The following DLG2 variants were observed in gnomAD, a reference collection of about 807,000 sequenced individuals.
DLG2 encodes the protein disks large homolog 2.
DLG2 carries 45 observed loss-of-function variants against 132.5 expected under a neutral mutation model. That is an observed-to-expected ratio of 0.34 (90% confidence interval 0.27 to 0.44). DLG2 has a LOEUF of 0.44. DLG2 is among the 20% of genes least tolerant of loss of function. The probability of loss-of-function intolerance (pLI) is 1.00; values close to 1 mark genes in which losing one functional copy is unlikely to be tolerated. For synonymous variants in DLG2, 424 were observed against 419.6 expected, an observed-to-expected ratio of 1.01 and a Z score of -0.13; for missense variants, 1,045 against 1,196.9, an observed-to-expected ratio of 0.87 and a Z score of 1.87.
chr11:85,158,396 A>C (rs2077753505), intron 4 of DLG2, among the ~76,000 whole-genome samples: 1 of 152,076 alleles, frequency 6.6e-6, no homozygotes, highest in Non-Finnish European at 1.5e-5. Context: ...GAAATGCCTG[A>C]TCTCCTTTGG....
intron 18 of DLG2, among the ~76,000 whole-genome samples, chr11:83,638,415 A>C (rs561134480): frequency 6.6e-6 from 1 of 152,324 alleles, no homozygotes; most frequent in East Asian, 1.9e-4. Context: ...AATAGGAATA[A>C]GAATTGGACC....
chr11:84,095,858 G>C (rs1307557175), intron 10 of DLG2, among the ~76,000 whole-genome samples: 1 of 152,140 alleles, frequency 6.6e-6, no homozygotes, highest in African/African-American at 2.4e-5. Flanking sequence ...AGTTTTGCAG[G>C]TTGTTTATTG....
chr11:83,627,806 T>C (rs1591250026), intron 19 of DLG2, among the ~76,000 whole-genome samples: 1 of 152,222 alleles, frequency 6.6e-6, no homozygotes, highest in African/African-American at 2.4e-5. Flanking sequence ...TCCACAATGG[T>C]TGAACTAGTT....
chr11:84,700,946 T>G (rs1173230239), intron 6 of DLG2, among the ~76,000 whole-genome samples: 6 of 151,450 alleles, frequency 4.0e-5, no homozygotes, highest in South Asian at 2.1e-4. Flanking sequence ...CCAAGACATA[T>G]GTACCGGTCC....
Position 83,928,891 on chromosome 11 carries a change from C to T in DLG2, c.1496+1437G>A, listed in dbSNP as rs145173248. Among the ~76,000 whole-genome samples, 10 of 152,240 alleles carry T rather than the reference C, an allele frequency of 6.6e-5. No homozygotes were observed. In the East Asian group the frequency reaches 1.9e-3, roughly 29 times the overall value. ...CTGACTATAGGTACATAATTACTAGCAAGTCATTACAGGTATGTGGCTCTT... is the reference window on the plus strand; with the variant it reads ...CTGACTATAGGTACATAATTACTAGTAAGTCATTACAGGTATGTGGCTCTT... On this transcript the variant is annotated intron_variant, in intron 15 of 27. Coordinates refer to ENST00000376104, the MANE Select transcript of DLG2 (RefSeq NM_001142699.3).
intron 3 of DLG2, among the ~76,000 whole-genome samples, chr11:85,548,072 T>C (rs2076440719): frequency 6.6e-6 from 1 of 152,102 alleles, no homozygotes; most frequent in East Asian, 1.9e-4. Flanking sequence ...GGCATTCTGG[T>C]TTTTAGAATT....
At chr11:85,349,418 T>TA (rs2083108113) in intron 3 of DLG2, among the ~76,000 whole-genome samples, 1 of 152,064 alleles carries the variant, frequency 6.6e-6, no homozygotes, top group Non-Finnish European at 1.5e-5. Context: ...GACTTTTTTT[T>TA]ATTATTATTA....
rs139217622 is a variant in DLG2, at chr11:85,000,103, C to T, written c.357+111558G>A. Among the ~76,000 whole-genome samples the T allele has an allele frequency of 1.0e-3, 156 of 152,180 alleles. No homozygotes were observed. In the East Asian group the frequency reaches 0.025, roughly 25 times the overall value. ...TTAAAATTACCAAGTGGATTTTGTC[C>T]GTTTACCTTCCTTTCTAGTGCACTT... On this transcript the variant is annotated intron_variant, in intron 6 of 27. Coordinates refer to ENST00000376104, the MANE Select transcript of DLG2 (RefSeq NM_001142699.3).
intron 6 of DLG2, among the ~76,000 whole-genome samples, chr11:85,071,262 G>A (rs192333822): frequency 6.5e-4 from 99 of 151,892 alleles, no homozygotes; most frequent in African/African-American, 2.3e-3. Context: ...GGAAGCTCAA[G>A]GTAGATATGT....
chr11:84,317,054 G>A (rs761392535), intron 7 of DLG2: 89 of 1,612,714 alleles, frequency 5.5e-5, no homozygotes, highest in Non-Finnish European at 7.1e-5. Flanking sequence ...AGCACAGTGG[G>A]CATCCCTGAT....
chr11:83,572,069 G>GGTGA lies in DLG2; in HGVS notation c.1941-30212_1941-30211insTCAC, dbSNP rs537820882. On this transcript the variant is annotated intron_variant, in intron 19 of 27. Coordinates refer to ENST00000376104, the MANE Select transcript of DLG2 (RefSeq NM_001142699.3). Reference sequence around the variant, plus strand: ...GAATAATGTTTCCTTTGCAGTGGTGGAATTATGAGTGGGTTATCTTTGGCT... The same window carrying GGTGA: ...GAATAATGTTTCCTTTGCAGTGGTGGGTGAAATTATGAGTGGGTTATCTTTGGCT... 3.2e-3 allele frequency among the ~76,000 whole-genome samples: 485 copies of GGTGA among 152,012 alleles called. 6 individuals are homozygous for GGTGA. The highest frequency in any genetic ancestry group is 0.011 in the African/African-American group (472 of 41,494).
intron 7 of DLG2, among the ~76,000 whole-genome samples, chr11:84,328,643 G>T (rs1025067542): frequency 6.9e-6 from 1 of 145,240 alleles, no homozygotes; most frequent in Non-Finnish European, 1.5e-5. Flanking sequence ...TTTATCAAAC[G>T]GTTAAAAAAA....
chr11:84,631,190 G>A (rs2099631489), intron 6 of DLG2, among the ~76,000 whole-genome samples: 1 of 151,970 alleles, frequency 6.6e-6, no homozygotes, highest in African/African-American at 2.4e-5. Context: ...TAGATTATGT[G>A]TGCTCCTTAT....
intron 3 of DLG2, among the ~76,000 whole-genome samples, chr11:85,589,270 T>C (rs1336301374): frequency 6.6e-6 from 1 of 152,170 alleles, no homozygotes; most frequent in African/African-American, 2.4e-5. Flanking sequence ...ATTCTGTCAT[T>C]GAGTTGCTGC....
At position 84,125,566 on chromosome 11, in the gene DLG2, G is replaced by T. The variant is rs553482721; in HGVS notation, c.625-26519C>A. ...ATGGGGGCAAGTCAGCTGTAGGGGG[G>T]TACTAGGATCTCACAAGGCTGAAAG... On this transcript the variant is annotated intron_variant, in intron 9 of 27. Transcript: ENST00000376104. Among the ~76,000 whole-genome samples the T allele has an allele frequency of 4.2e-3, 639 of 152,234 alleles. 4 individuals carry two copies. The highest frequency in any genetic ancestry group is 0.014 in the Middle Eastern group (4 of 294).
rs527497562 is a variant in DLG2 at position 84,571,492 on chromosome 11, A to G, written c.358-36761T>C. The stretch of plus-strand genomic sequence containing the variant: ...TGAACTGCTATTTATGAAGAGACTA[A>G]TGCCATGCTTGGTCTCTACTATGTC... On this transcript the variant is annotated intron_variant, in intron 6 of 27. Transcript: ENST00000376104. 5.6e-4 allele frequency among the ~76,000 whole-genome samples: 85 copies of G among 152,074 alleles called. 1 individual carries two copies. In the South Asian group the frequency reaches 0.012, roughly 22 times the overall value.
intron 18 of DLG2, among the ~76,000 whole-genome samples, chr11:83,665,592 C>A (rs916773891): frequency 6.6e-6 from 1 of 152,124 alleles, no homozygotes; most frequent in Non-Finnish European, 1.5e-5. Context: ...GAAGAGAGAT[C>A]GGAGAGAATT....
chr11:83,718,029 T>C (rs1186591828), intron 18 of DLG2, among the ~76,000 whole-genome samples: 1 of 152,202 alleles, frequency 6.6e-6, no homozygotes, highest in Non-Finnish European at 1.5e-5. Context: ...ACCTGCTCCG[T>C]ACTCCCTCTG....
intron 6 of DLG2, among the ~76,000 whole-genome samples, chr11:84,587,100 A>G (rs542337013): frequency 6.6e-6 from 1 of 151,652 alleles, no homozygotes; most frequent in East Asian, 1.9e-4. Flanking sequence ...GGAGAGTGTG[A>G]GAAGTACATA....
Sources: gnomAD v4.1 joint callset for allele counts (sites outside exome capture counted in the v4.1 genomes callset) on GRCh38, gnomAD v4.1.1 for gene constraint, MANE v1.5 for transcripts, NCBI Gene and HGNC (gene_info 2026-07-23, HGNC 2026-07-21) for gene names.